The following RNF152 variants were observed in gnomAD, a reference collection of about 807,000 sequenced individuals.
RNF152 encodes the protein E3 ubiquitin-protein ligase RNF152.
RNF152 carries 11 observed loss-of-function variants against 12.7 expected under a neutral mutation model. The observed-to-expected ratio is 0.86, with a 90% confidence interval of 0.54 to 1.43. The LOEUF is 1.43. Among genes scored for constraint, RNF152 ranks in the 40% most tolerant of loss-of-function variants. The pLI, the probability that RNF152 is intolerant of heterozygous loss-of-function variation, is 0.00. For missense variants in RNF152, 255 were observed against 274.8 expected, an observed-to-expected ratio of 0.93 and a Z score of 0.51; for synonymous variants, 113 against 120.3, an observed-to-expected ratio of 0.94 and a Z score of 0.40.
chr18:61,860,573 CAAT>C (rs1911426878), intron 1 of RNF152, among the ~76,000 whole-genome samples: 1 of 152,224 alleles, frequency 6.6e-6, no homozygotes, highest in Non-Finnish European at 1.5e-5. Flanking sequence ...CTAGCACACA[CAAT>C]CATGTACAGT....
At chr18:61,867,665 C>G (rs931842449) in intron 1 of RNF152, among the ~76,000 whole-genome samples, 1 of 152,040 alleles carries the variant, frequency 6.6e-6, no homozygotes, top group Non-Finnish European at 1.5e-5. Context: ...GTAAACCAGG[C>G]TGAACTCTCC....
intron 1 of RNF152, among the ~76,000 whole-genome samples, chr18:61,865,749 T>C (rs1383597403): frequency 1.3e-5 from 2 of 152,178 alleles, no homozygotes; most frequent in Non-Finnish European, 2.9e-5. Flanking sequence ...CCAATGGACT[T>C]CCAAGGAAAC....
At chr18:61,844,122 GA>G (rs764619700) in intron 1 of RNF152, among the ~76,000 whole-genome samples, 1 of 113,632 alleles carries the variant, frequency 8.8e-6, no homozygotes, top group Non-Finnish European at 2.1e-5. Flanking sequence ...AAGAAAGAAA[GA>G]AAGAAAGAAA....
In RNF152 at chr18:61,875,391, C is replaced by T. The variant is rs1599319280; in HGVS notation, c.-136+17404G>A. 3.9e-5 allele frequency among the ~76,000 whole-genome samples: 6 copies of T among 152,266 alleles called. 1 individual carries two copies. Among genetic ancestry groups the T allele is most frequent in the Admixed American group, 3.9e-4 (6 of 15,300 alleles). ...AGCTACATCCTAACTTTAAATAAGA[C>T]ATCAAATTTAATTGTCAGTGCATGC... is the stretch of plus-strand genomic sequence containing the variant. On this transcript the variant is annotated intron_variant, in intron 1 of 1. Coordinates refer to ENST00000312828, the MANE Select transcript of RNF152 (RefSeq NM_173557.3).
At chr18:61,819,775 C>G (rs1287679247) in intron 1 of RNF152, among the ~76,000 whole-genome samples, 2 of 152,046 alleles carry the variant, frequency 1.3e-5, no homozygotes, top group Non-Finnish European at 1.5e-5. Flanking sequence ...AATCTCAGCA[C>G]TTTGGGAGGC....
At chr18:61,827,660 T>C (rs1015469854) in intron 1 of RNF152, among the ~76,000 whole-genome samples, 1 of 152,064 alleles carries the variant, frequency 6.6e-6, no homozygotes, top group Non-Finnish European at 1.5e-5. Context: ...GAGCACAGAG[T>C]GTTTATTGCT....
Position 61,831,554 on chromosome 18 carries a change from G to A in RNF152, c.-135-14956C>T, listed in dbSNP as rs552254010. 2.1e-3 allele frequency among the ~76,000 whole-genome samples: 326 copies of A among 152,204 alleles called. 2 individuals carry two copies. Among genetic ancestry groups the A allele is most frequent in the Middle Eastern group, 3.4e-3 (1 of 294 alleles). The stretch of plus-strand genomic sequence containing the variant: ...TAAGGAGCCAGGAACTGAAATGTGA[G>A]GTTATGGATTATTCATACTTTTATA... On this transcript the variant is annotated intron_variant, in intron 1 of 1. Coordinates refer to ENST00000312828, the MANE Select transcript of RNF152 (RefSeq NM_173557.3).
intron 1 of RNF152, among the ~76,000 whole-genome samples, chr18:61,872,626 T>C (rs893006034): frequency 1.9e-4 from 29 of 152,172 alleles, no homozygotes; most frequent in Admixed American, 7.2e-4. Context: ...TGCCCTACAT[T>C]TGAAAAGCAT....
intron 1 of RNF152, among the ~76,000 whole-genome samples, chr18:61,892,122 T>C (rs1453686312): frequency 6.6e-6 from 1 of 152,192 alleles, no homozygotes; most frequent in African/African-American, 2.4e-5. Context: ...AGGCCAGAGT[T>C]TTTGGAAAAG....
chr18:61,841,290 G>T (rs887114255), intron 1 of RNF152, among the ~76,000 whole-genome samples: 2 of 152,126 alleles, frequency 1.3e-5, no homozygotes, highest in African/African-American at 4.8e-5. Context: ...GGTGGGAGAG[G>T]CATGTAATAA....
chr18:61,841,552 ACTCTTTCTAGT>A (rs1461274147), intron 1 of RNF152, among the ~76,000 whole-genome samples: 1 of 152,038 alleles, frequency 6.6e-6, no homozygotes, highest in African/African-American at 2.4e-5. Flanking sequence ...AGTCAAGGCC[ACTCTTTCTAGT>A]CTAGGGATTC....
intron 1 of RNF152, among the ~76,000 whole-genome samples, chr18:61,883,878 AT>A (rs1568296097): frequency 6.6e-6 from 1 of 152,146 alleles, no homozygotes; most frequent in East Asian, 1.9e-4. Context: ...AAGGCCTATC[AT>A]TTTAAACTCA....
chr18:61,857,214 T>C (rs1161806319), intron 1 of RNF152, among the ~76,000 whole-genome samples: 2 of 152,142 alleles, frequency 1.3e-5, no homozygotes, highest in Non-Finnish European at 2.9e-5. Context: ...AGGGAGAAAG[T>C]GCAGACACTT....
intron 1 of RNF152, among the ~76,000 whole-genome samples, chr18:61,844,672 C>T (rs929266561): frequency 6.6e-6 from 1 of 152,064 alleles, no homozygotes; most frequent in African/African-American, 2.4e-5. Flanking sequence ...TTGTGTCTAC[C>T]CAATGACTGG....
At chr18:61,887,855 A>T in intron 1 of RNF152, among the ~76,000 whole-genome samples, 1 of 152,180 alleles carries the variant, frequency 6.6e-6, no homozygotes, top group Non-Finnish European at 1.5e-5. Flanking sequence ...GGAAAGTTAC[A>T]CTTCCTTGGT....
At chr18:61,893,327 A>G (rs1359533548), upstream of RNF152, 1 of 152,276 alleles carries the variant, frequency 6.6e-6, no homozygotes, top group African/African-American at 2.4e-5. Flanking sequence ...GGCAATCCCG[A>G]GCATCTTTCT....
intron 1 of RNF152, among the ~76,000 whole-genome samples, chr18:61,827,441 AAAC>A (rs1196837535): frequency 3.3e-5 from 5 of 152,220 alleles, no homozygotes; most frequent in Non-Finnish European, 5.9e-5. Flanking sequence ...ATGAAAAAAC[AAAC>A]AACAACAACA....
rs1910649869 is a variant in RNF152, at chr18:61,844,241, G to A, written c.-135-27643C>T. Among the ~76,000 whole-genome samples the A allele has an allele frequency of 1.3e-5, 2 of 150,880 alleles. 1 individual carries two copies. The highest frequency in any genetic ancestry group is 4.2e-4 in the South Asian group (2 of 4,720). ...AGGGAAGGAGGGAGACGGGAGGGGA[G>A]GGGAGGGCAGGCCCCATAGTATCTA... On this transcript the variant is annotated intron_variant, in intron 1 of 1. Coordinates refer to ENST00000312828, the MANE Select transcript of RNF152 (RefSeq NM_173557.3).
intron 1 of RNF152, among the ~76,000 whole-genome samples, chr18:61,825,307 C>A (rs932836468): frequency 6.6e-6 from 1 of 152,156 alleles, no homozygotes; most frequent in African/African-American, 2.4e-5. Context: ...TCTTCTTCAA[C>A]TGAGCATGTA....
Sources: allele counts gnomAD v4.1 joint callset (sites outside exome capture counted in the v4.1 genomes callset), GRCh38; gene constraint gnomAD v4.1.1; transcripts MANE v1.5; gene names NCBI Gene and HGNC (gene_info 2026-07-23, HGNC 2026-07-21).